The following GLRA2 variants were observed in gnomAD, a reference collection of about 807,000 sequenced individuals.
GLRA2 encodes the protein glycine receptor alpha 2, also known as glycine receptor subunit alpha-2.
A neutral mutation model predicts 31.6 loss-of-function variants in GLRA2; 11 were observed. That is an observed-to-expected ratio of 0.35 (90% CI 0.22 to 0.58). GLRA2 has a LOEUF of 0.58. Among genes scored for constraint, GLRA2 ranks in the 20% least tolerant of loss-of-function variants. GLRA2 has a pLI of 0.84. For missense variants in GLRA2, 212 were observed against 351.8 expected, an observed-to-expected ratio of 0.60 and a Z score of 3.18; for synonymous variants, 132 against 134.0, an observed-to-expected ratio of 0.99 and a Z score of 0.10.
chrX:14,686,142 T>C (rs1000200436), intron 7 of GLRA2, among the ~76,000 whole-genome samples: 4 of 112,216 alleles, frequency 3.6e-5, no homozygotes, highest in Non-Finnish European at 7.5e-5. Flanking sequence ...TTCTTAATCC[T>C]GAGTTCTAGT....
chrX:14,685,098 A>C (rs767670003), intron 7 of GLRA2, among the ~76,000 whole-genome samples: 11 of 111,613 alleles, frequency 9.9e-5, no homozygotes, highest in Middle Eastern at 4.7e-3. Context: ...CTTTGGTTCC[A>C]TTTATACGCT....
At chrX:14,595,838 G>A (rs1415270803) in intron 4 of GLRA2, among the ~76,000 whole-genome samples, 1 of 111,978 alleles carries the variant, frequency 8.9e-6, no homozygotes, top group Admixed American at 9.5e-5. Context: ...AAACAACTTC[G>A]AAAAGTTCAA....
At chrX:14,663,212 A>G (rs1426291732) in intron 7 of GLRA2, among the ~76,000 whole-genome samples, 7 of 111,421 alleles carry the variant, frequency 6.3e-5, no homozygotes, top group East Asian at 2.8e-4. Context: ...TCATAATTCT[A>G]TATTTCCCCA....
chrX:14,671,154 T>G (rs2091088597), intron 7 of GLRA2, among the ~76,000 whole-genome samples: 1 of 112,038 alleles, frequency 8.9e-6, no homozygotes, highest in African/African-American at 3.2e-5. Flanking sequence ...ATGTCAACAC[T>G]CCATTCTTAC....
intron 2 of GLRA2, among the ~76,000 whole-genome samples, chrX:14,542,459 T>C (rs2089418081): frequency 9.0e-6 from 1 of 111,178 alleles, no homozygotes; most frequent in Admixed American, 9.5e-5. Flanking sequence ...CAGTCCATGG[T>C]TGGTGGTCTT....
At chrX:14,493,632 CATATATACAT>C in the GLRA2 span, among the ~76,000 whole-genome samples, 13 of 91,292 alleles carry the variant, frequency 1.4e-4, no homozygotes, top group African/African-American at 4.0e-4. Flanking sequence ...CACATATATA[CATATATACAT>C]ATATATACAT....
At chrX:14,538,323 A>G (rs2089354369) in intron 2 of GLRA2, among the ~76,000 whole-genome samples, 1 of 111,602 alleles carries the variant, frequency 9.0e-6, no homozygotes, top group Non-Finnish European at 1.9e-5. Flanking sequence ...ATGAGCATGA[A>G]TTATTTGTTT....
At position 14,546,566 on chromosome X, in the gene GLRA2, C is replaced by G. The variant is rs140920159; in HGVS notation, c.202+14194C>G. 3.7e-5 allele frequency among the ~76,000 whole-genome samples: 4 copies of G among 109,187 alleles called. No individual in the cohort carries two copies. The South Asian group carries it at 1.2e-3, about 32-fold the overall frequency. The allele number at this position is 109,187 out of a possible 115,157, so 94.8% of individuals were successfully genotyped here. On this transcript the variant is annotated intron_variant, in intron 2 of 8. Coordinates refer to ENST00000218075, the MANE Select transcript of GLRA2 (RefSeq NM_002063.4). ...AAACTCCACGATTCTACTTGTCAAC[C>G]AGCTCTGCAAATAGGATAATTACAC...
intron 7 of GLRA2, among the ~76,000 whole-genome samples, chrX:14,639,237 C>T (rs2090747435): frequency 9.0e-6 from 1 of 111,414 alleles, no homozygotes; most frequent in Non-Finnish European, 1.9e-5. Context: ...AACTTCCTTC[C>T]CAGGAGACTC....
intron 5 of GLRA2, 58 bp from the exon 6 acceptor site, chrX:14,607,073 A>G: frequency 1.1e-6 from 1 of 890,747 alleles, no homozygotes; most frequent in African/African-American, 2.0e-5. Flanking sequence ...ACATGGGTAG[A>G]CTTTCAAGCT....
intron 2 of GLRA2, among the ~76,000 whole-genome samples, chrX:14,567,454 A>G (rs1309760901): frequency 4.5e-5 from 5 of 112,208 alleles, no homozygotes; most frequent in Non-Finnish European, 7.5e-5. Context: ...CACTTCCTCA[A>G]TATGATAAAG....
At chrX:14,572,850 A>G (rs1272238623) in intron 2 of GLRA2, among the ~76,000 whole-genome samples, 2 of 112,241 alleles carry the variant, frequency 1.8e-5, no homozygotes, top group African/African-American at 6.5e-5. Flanking sequence ...GAAGAGAAAA[A>G]CACATTGATA....
intron 7 of GLRA2, among the ~76,000 whole-genome samples, chrX:14,633,075 C>A (rs1476415286): frequency 1.8e-5 from 2 of 111,749 alleles, no homozygotes; most frequent in Non-Finnish European, 3.8e-5. Flanking sequence ...TCCAATAAAA[C>A]CCTGATCCAA....
At chrX:14,585,610 A>G (rs955488684) in intron 4 of GLRA2, among the ~76,000 whole-genome samples, 2 of 111,579 alleles carry the variant, frequency 1.8e-5, no homozygotes, top group East Asian at 5.7e-4. Flanking sequence ...CTGACGTTCC[A>G]TTAGAAAGTA....
At chrX:14,596,205 T>A in intron 4 of GLRA2, among the ~76,000 whole-genome samples, 1 of 111,808 alleles carries the variant, frequency 8.9e-6, no homozygotes, top group East Asian at 2.8e-4. Flanking sequence ...TCAGAGACAG[T>A]AATCTGATAT....
At chrX:14,649,102 T>C (rs1273923033) in intron 7 of GLRA2, among the ~76,000 whole-genome samples, 1 of 109,982 alleles carries the variant, frequency 9.1e-6, no homozygotes, top group African/African-American at 3.3e-5. Flanking sequence ...TAGTCCCAAC[T>C]ATTCGGGAGG....
At chrX:14,460,770 G>A in the GLRA2 span, among the ~76,000 whole-genome samples, 1 of 111,302 alleles carries the variant, frequency 9.0e-6, no homozygotes, top group East Asian at 2.8e-4. Context: ...AGTCTTGCTA[G>A]TGGTCTATCA....
the GLRA2 span, among the ~76,000 whole-genome samples, chrX:14,468,670 G>A: frequency 2.7e-5 from 3 of 111,889 alleles, no homozygotes; most frequent in African/African-American, 9.8e-5. Context: ...TGTCCTTTGG[G>A]TATATACCCA....
At chrX:14,681,672 T>C (rs1327162026) in intron 7 of GLRA2, among the ~76,000 whole-genome samples, 1 of 107,612 alleles carries the variant, frequency 9.3e-6, no homozygotes, top group East Asian at 2.9e-4. Context: ...GGGCAAATCA[T>C]TTGAGGTCAG....
Sources: gnomAD v4.1 joint callset for allele counts (sites outside exome capture counted in the v4.1 genomes callset) on GRCh38, gnomAD v4.1.1 for gene constraint, MANE v1.5 for transcripts, NCBI Gene and HGNC (gene_info 2026-07-23, HGNC 2026-07-21) for gene names.